Variants in PAK5 observed in about 807,000 individuals in gnomAD.
PAK5 encodes the protein p21 (RAC1) activated kinase 5.
PAK5 carries 16 observed loss-of-function variants against 65.9 expected under a neutral mutation model. The ratio of observed to expected loss-of-function variants is 0.24; its 90% CI spans 0.16 to 0.37. The LOEUF is 0.37. Ranked by LOEUF, PAK5 falls within the 10% of genes least tolerant of loss-of-function variation. PAK5 has a pLI of 1.00. For missense variants in PAK5, 785 were observed against 903.9 expected, an observed-to-expected ratio of 0.87 and a Z score of 1.69; for synonymous variants, 371 against 354.9, an observed-to-expected ratio of 1.05 and a Z score of -0.51.
chr20:9,604,429 T>C (rs935884788), intron 3 of PAK5, among the ~76,000 whole-genome samples: 7 of 152,212 alleles, frequency 4.6e-5, no homozygotes, highest in African/African-American at 1.7e-4. Flanking sequence ...TTCTCTGGCC[T>C]CTTGAATGGG....
At chr20:9,699,015 T>A (rs1026141669) in intron 2 of PAK5, among the ~76,000 whole-genome samples, 2 of 152,128 alleles carry the variant, frequency 1.3e-5, no homozygotes, top group Non-Finnish European at 2.9e-5. Context: ...CTATTTTGAG[T>A]AGTGATGTTT....
intron 3 of PAK5, among the ~76,000 whole-genome samples, chr20:9,602,609 G>C (rs1249588682): frequency 6.6e-6 from 1 of 152,134 alleles, no homozygotes; most frequent in East Asian, 1.9e-4. Flanking sequence ...TTGCACTGCA[G>C]GACTTTTCCA....
At chr20:9,637,618 G>GA (rs1213480812) in intron 3 of PAK5, among the ~76,000 whole-genome samples, 3 of 150,990 alleles carry the variant, frequency 2.0e-5, no homozygotes, top group South Asian at 2.1e-4. Flanking sequence ...TGGATAAATT[G>GA]AAAAAAAAGC....
At chr20:9,782,508 T>C (rs1008314617) in intron 1 of PAK5, among the ~76,000 whole-genome samples, 1 of 152,172 alleles carries the variant, frequency 6.6e-6, no homozygotes, top group Non-Finnish European at 1.5e-5. Flanking sequence ...TATAAAAATA[T>C]GTGTACCTTG....
intron 2 of PAK5, among the ~76,000 whole-genome samples, chr20:9,682,763 T>C (rs2047667357): frequency 6.6e-6 from 1 of 152,212 alleles, no homozygotes; most frequent in Non-Finnish European, 1.5e-5. Context: ...GGGAAGTCTA[T>C]GCCTATATAT....
chr20:9,568,074 T>C (rs939572086), intron 4 of PAK5, among the ~76,000 whole-genome samples: 30 of 152,126 alleles, frequency 2.0e-4, no homozygotes, highest in Non-Finnish European at 4.1e-4. Flanking sequence ...CTAAGGAAGA[T>C]GGGCCGAGAA....
chr20:9,658,944 C>T (rs2047307001), intron 2 of PAK5, among the ~76,000 whole-genome samples: 3 of 152,288 alleles, frequency 2.0e-5, no homozygotes, highest in Admixed American at 6.5e-5. Flanking sequence ...AGATATCACA[C>T]TGAGATCTTC....
rs931654269 is a variant in PAK5 at position 9,770,687 on chromosome 20, G to A, written c.-161-59252C>T. Among the ~76,000 whole-genome samples the A allele has an allele frequency of 1.2e-4, 18 of 152,268 alleles. 1 individual carries two copies. The South Asian group carries it at 3.5e-3, about 30-fold the overall frequency. ...TAATTAGAGTAATGCAGAGTAAAATGTGAGCTGAAACAGTAGAAAATTGGG... is the reference window on the plus strand; with the variant it reads ...TAATTAGAGTAATGCAGAGTAAAATATGAGCTGAAACAGTAGAAAATTGGG... On this transcript the variant is annotated intron_variant, in intron 1 of 9. Transcript: ENST00000353224.
intron 4 of PAK5, among the ~76,000 whole-genome samples, chr20:9,575,221 G>T (rs570320881): frequency 1.3e-5 from 2 of 151,794 alleles, no homozygotes; most frequent in East Asian, 1.9e-4. Flanking sequence ...TTTAGACAGG[G>T]TCTCACTCTG....
chr20:9,593,566 C>A (rs1331813992), intron 3 of PAK5, among the ~76,000 whole-genome samples: 1 of 152,170 alleles, frequency 6.6e-6, no homozygotes, highest in East Asian at 1.9e-4. Context: ...TGCTCTCCCT[C>A]CTCTTGACCC....
At chr20:9,571,553 G>A (rs182150351) in intron 4 of PAK5, among the ~76,000 whole-genome samples, 124 of 152,332 alleles carry the variant, frequency 8.1e-4, no homozygotes, top group Middle Eastern at 3.4e-3. Context: ...CCCACAGGCC[G>A]GCTCCCTTGC....
intron 2 of PAK5, among the ~76,000 whole-genome samples, chr20:9,676,130 G>T (rs1172160851): frequency 6.6e-6 from 1 of 151,996 alleles, no homozygotes. Context: ...AGTGAAAAAA[G>T]CATGTGCAGG....
intron 1 of PAK5, among the ~76,000 whole-genome samples, chr20:9,821,242 A>G (rs1232482740): frequency 1.3e-5 from 2 of 152,054 alleles, no homozygotes; most frequent in Non-Finnish European, 2.9e-5. Flanking sequence ...TTAGCTGGGC[A>G]TGGTGGTGGG....
chr20:9,569,051 A>G (rs774570285), intron 4 of PAK5, among the ~76,000 whole-genome samples: 1 of 152,196 alleles, frequency 6.6e-6, no homozygotes, highest in Admixed American at 6.5e-5. Context: ...AGACAGAACC[A>G]ATCAATCAGC....
At chr20:9,837,686 C>T (rs1979255926) in intron 1 of PAK5, among the ~76,000 whole-genome samples, 1 of 152,156 alleles carries the variant, frequency 6.6e-6, no homozygotes, top group Admixed American at 6.5e-5. Context: ...AGAAGAGAAG[C>T]GGTTGCACTA....
chr20:9,648,548 A>G (rs1397488541), intron 2 of PAK5, among the ~76,000 whole-genome samples: 2 of 152,060 alleles, frequency 1.3e-5, no homozygotes, highest in Admixed American at 6.6e-5. Flanking sequence ...ACTTGCTAAA[A>G]TCCAAGTTCC....
At chr20:9,598,825 T>A (rs2046314615) in intron 3 of PAK5, among the ~76,000 whole-genome samples, 1 of 152,222 alleles carries the variant, frequency 6.6e-6, no homozygotes, top group Non-Finnish European at 1.5e-5. Context: ...TTCTTTTAAA[T>A]TTGAATAAAT....
intron 3 of PAK5, among the ~76,000 whole-genome samples, chr20:9,593,642 A>C (rs2046213123): frequency 6.6e-6 from 1 of 152,028 alleles, no homozygotes; most frequent in African/African-American, 2.4e-5. Flanking sequence ...CTCATTGTTC[A>C]ACTCTGTTCA....
At chr20:9,830,407 C>T (rs932230283) in intron 1 of PAK5, among the ~76,000 whole-genome samples, 1 of 152,174 alleles carries the variant, frequency 6.6e-6, no homozygotes, top group African/African-American at 2.4e-5. Flanking sequence ...TAAGTATGAT[C>T]TTTTAATATT....
Sources: gnomAD v4.1 joint callset for allele counts (sites outside exome capture counted in the v4.1 genomes callset) on GRCh38, gnomAD v4.1.1 for gene constraint, MANE v1.5 for transcripts, NCBI Gene and HGNC (gene_info 2026-07-23, HGNC 2026-07-21) for gene names.